Variants in EHMT1 observed in about 807,000 individuals in gnomAD.
The protein encoded by EHMT1 is euchromatic histone lysine methyltransferase 1.
Under a neutral mutation model 147.2 loss-of-function variants are expected in EHMT1, and 15 were observed. That is an observed-to-expected ratio of 0.10 (90% CI 0.07 to 0.16). The LOEUF is 0.16. EHMT1 is among the 10% of genes least tolerant of loss of function. The pLI, the probability that EHMT1 is intolerant of heterozygous loss-of-function variation, is 1.00. For synonymous variants in EHMT1, 795 were observed against 709.6 expected (o/e 1.12, Z -1.91); for missense variants, 1,587 against 1,772.4 (o/e 0.90, Z 1.88).
chr9:137,624,307 C>CTTT (rs1252295320), intron 1 of EHMT1, among the ~76,000 whole-genome samples: 3 of 130,806 alleles, frequency 2.3e-5, no homozygotes, highest in Non-Finnish European at 3.3e-5. Context: ...TGCCCGGCCT[C>CTTT]TTTTTTTTTT....
intron 18 of EHMT1, among the ~76,000 whole-genome samples, chr9:137,809,450 T>A (rs1383479115): frequency 3.3e-5 from 5 of 152,034 alleles, no homozygotes. Context: ...AGAGCTCAAA[T>A]GGAAGCAGAG....
intron 16 of EHMT1, among the ~76,000 whole-genome samples, chr9:137,791,399 A>T (rs1385031547): frequency 6.6e-6 from 1 of 152,210 alleles, no homozygotes; most frequent in East Asian, 1.9e-4. Flanking sequence ...AGCTAACAAA[A>T]CCAATTCAGC....
At chr9:137,759,023 A>C (rs939745343) in intron 9 of EHMT1, among the ~76,000 whole-genome samples, 1 of 151,778 alleles carries the variant, frequency 6.6e-6, no homozygotes, top group African/African-American at 2.4e-5. Flanking sequence ...GCTACTCGGG[A>C]GGCTGAGGCA....
At chr9:137,728,921 C>T (rs1416755915) in intron 4 of EHMT1, among the ~76,000 whole-genome samples, 1 of 152,186 alleles carries the variant, frequency 6.6e-6, no homozygotes, top group African/African-American at 2.4e-5. Context: ...CCGCCCGCTC[C>T]AGCTGCTCTG....
chr9:137,626,433 G>A lies in EHMT1; in HGVS notation c.21+7384G>A, dbSNP rs540312413. Reference sequence around the variant, plus strand: ...AGCTACTCAGGAGGCTGAGGCAGGAGGATTGCTTGAGTCCGGGAGGTTGAG... The same window carrying A: ...AGCTACTCAGGAGGCTGAGGCAGGAAGATTGCTTGAGTCCGGGAGGTTGAG... On this transcript the variant is annotated intron_variant, in intron 1 of 26. Coordinates refer to ENST00000460843, the MANE Select transcript of EHMT1 (RefSeq NM_024757.5). 6.5e-4 allele frequency among the ~76,000 whole-genome samples: 98 copies of A among 151,706 alleles called. 2 individuals are homozygous for A. The South Asian group carries it at 0.019, about 30-fold the overall frequency.
intron 1 of EHMT1, among the ~76,000 whole-genome samples, chr9:137,692,474 A>G (rs1449424460): frequency 6.6e-6 from 1 of 151,772 alleles, no homozygotes; most frequent in Non-Finnish European, 1.5e-5. Context: ...TGTGTTGGCC[A>G]GGCCCGATCT....
chr9:137,772,648 A>C (rs1319990884), intron 10 of EHMT1, among the ~76,000 whole-genome samples: 1 of 152,188 alleles, frequency 6.6e-6, no homozygotes, highest in Admixed American at 6.5e-5. Flanking sequence ...TGAAGTCAGT[A>C]CCTGTTTCAG....
At chr9:137,820,715 G>C (rs78994039) in intron 25 of EHMT1, among the ~76,000 whole-genome samples, 5,938 of 152,232 alleles carry the variant, frequency 0.039, 411 homozygotes, top group African/African-American at 0.14. Context: ...AGCACTGCTT[G>C]TGGAGAAGAT....
intron 2 of EHMT1, among the ~76,000 whole-genome samples, chr9:137,715,171 G>C (rs901491389): frequency 1.3e-5 from 2 of 152,188 alleles, no homozygotes; most frequent in Non-Finnish European, 2.9e-5. Context: ...GGAACAGTTT[G>C]ACCCTCACAT....
At chr9:137,753,996 G>A (rs1407675554) in intron 7 of EHMT1, among the ~76,000 whole-genome samples, 175 bp from the exon 8 acceptor site, 4 of 152,160 alleles carry the variant, frequency 2.6e-5, no homozygotes, top group Admixed American at 6.5e-5. Context: ...AGGGAAAAGC[G>A]CAGGGTGCCT....
At chr9:137,802,709 A>T (rs1409630916) in intron 18 of EHMT1, 1 of 804,592 alleles carries the variant, frequency 1.2e-6, no homozygotes, top group Non-Finnish European at 1.7e-6. Flanking sequence ...GGCTGTGGGC[A>T]CCCGCTGCCT....
chr9:137,768,939 A>G (rs1950423769), intron 10 of EHMT1, among the ~76,000 whole-genome samples: 2 of 152,078 alleles, frequency 1.3e-5, no homozygotes, highest in Non-Finnish European at 2.9e-5. Flanking sequence ...TGCCCGCCTC[A>G]GCCTCTCAAA....
At chr9:137,834,735 G>A (rs764939703) in intron 26 of EHMT1, 38 bp from the exon 27 acceptor site, 1 of 1,613,254 alleles carries the variant, frequency 6.2e-7, no homozygotes, top group Non-Finnish European at 8.5e-7. Flanking sequence ...GGTGCCGGTG[G>A]GATTCGACTT....
rs111291403 is a variant in EHMT1 at position 137,668,883 on chromosome 9, G to A, written c.22-42084G>A. Among the ~76,000 whole-genome samples the A allele has an allele frequency of 1.8e-4, 27 of 152,230 alleles. 1 individual carries two copies. The highest frequency in any genetic ancestry group is 6.0e-4 in the African/African-American group (25 of 41,546). On this transcript the variant is annotated intron_variant, in intron 1 of 26. Coordinates refer to ENST00000460843, the MANE Select transcript of EHMT1 (RefSeq NM_024757.5). ...GTCTGTTTTAAGTACTGGAGTAAAT[G>A]CCAAGTTGTTTTCTTTTTTTGGAGA...
intron 10 of EHMT1, among the ~76,000 whole-genome samples, chr9:137,769,357 T>G (rs1037108008): frequency 6.6e-6 from 1 of 152,254 alleles, no homozygotes; most frequent in Admixed American, 6.5e-5. Flanking sequence ...AATTTCTGTC[T>G]TTGTGGTATT....
At chr9:137,820,517 CA>C (rs1405119856) in intron 25 of EHMT1, among the ~76,000 whole-genome samples, 1 of 152,166 alleles carries the variant, frequency 6.6e-6, no homozygotes, top group African/African-American at 2.4e-5. Context: ...TTCAGTTTAT[CA>C]GTCTTTTTCT....
intron 3 of EHMT1, among the ~76,000 whole-genome samples, chr9:137,717,820 C>A (rs978498844): frequency 6.6e-6 from 1 of 152,194 alleles, no homozygotes; most frequent in Non-Finnish European, 1.5e-5. Context: ...GAAGACTCAG[C>A]CCTGACCCTG....
intron 1 of EHMT1, among the ~76,000 whole-genome samples, chr9:137,636,841 T>C (rs1203128986): frequency 1.3e-5 from 2 of 152,024 alleles, no homozygotes; most frequent in Non-Finnish European, 2.9e-5. Context: ...TATGTTGGTC[T>C]GTAGGTACCT....
intron 1 of EHMT1, among the ~76,000 whole-genome samples, chr9:137,669,500 C>T (rs1940246664): frequency 2.2e-5 from 3 of 137,706 alleles, no homozygotes; most frequent in African/African-American, 8.3e-5. Flanking sequence ...TGGACTCCTC[C>T]CAAGACGCCC....
Sources: allele counts gnomAD v4.1 joint callset (sites outside exome capture counted in the v4.1 genomes callset), GRCh38; gene constraint gnomAD v4.1.1; transcripts MANE v1.5; gene names NCBI Gene and HGNC (gene_info 2026-07-23, HGNC 2026-07-21).